The following GRIN1 variants were observed in gnomAD, a reference collection of about 807,000 sequenced individuals.
The protein encoded by GRIN1 is glutamate ionotropic receptor NMDA type subunit 1, also known as glutamate receptor ionotropic, NMDA 1.
Under a neutral mutation model 103.0 loss-of-function variants are expected in GRIN1, and 38 were observed. The observed-to-expected ratio is 0.37, with a 90% CI of 0.28 to 0.48. The LOEUF (loss-of-function observed/expected upper bound fraction) is 0.48. Among genes scored for constraint, GRIN1 ranks in the 20% least tolerant of loss-of-function variants. GRIN1 has a pLI of 0.98. For synonymous variants in GRIN1, 544 were observed against 532.7 expected (o/e 1.02, Z -0.29); for missense variants, 577 against 1,288.9 (o/e 0.45, Z 8.46).
chr9:137,152,578 C>A (rs1225874692), intron 4 of GRIN1, among the ~76,000 whole-genome samples: 1 of 152,176 alleles, frequency 6.6e-6, no homozygotes, highest in African/African-American at 2.4e-5. Context: ...GGGGCGTTTT[C>A]TCCACTTTTT....
chr9:137,154,321 C>T lies in GRIN1; in HGVS notation c.672-2348C>T, dbSNP rs1457120275. Reference sequence around the variant, plus strand: ...TGTATTTTTAGTAGAGACTGGGTTTCGCCATGTTGGCCAGGCTGGTCTCGA... The same window carrying T: ...TGTATTTTTAGTAGAGACTGGGTTTTGCCATGTTGGCCAGGCTGGTCTCGA... On this transcript the variant is annotated intron_variant, in intron 4 of 19. Transcript: ENST00000371561. Among the ~76,000 whole-genome samples, 5 of 150,164 alleles carry T rather than the reference C, an allele frequency of 3.3e-5. No individual in the cohort carries two copies. The East Asian group carries it at 8.0e-4, about 24-fold the overall frequency.
At chr9:137,153,473 G>C (rs1022733335) in intron 4 of GRIN1, among the ~76,000 whole-genome samples, 1 of 150,582 alleles carries the variant, frequency 6.6e-6, no homozygotes, top group Admixed American at 6.6e-5. Flanking sequence ...ACCCACACAT[G>C]CACCATCATG....
chr9:137,166,199 C>G (rs1833870346), intron 19 of GRIN1, among the ~76,000 whole-genome samples: 1 of 152,226 alleles, frequency 6.6e-6, no homozygotes, highest in Non-Finnish European at 1.5e-5. Flanking sequence ...CCCCACAAGG[C>G]CCACCCCAAA....
Position 137,139,662 on chromosome 9 carries a change from A to G in GRIN1, c.176A>G (p.Gln59Arg). 1 of 1,613,786 alleles carries G rather than the reference A, an allele frequency of 6.2e-7. No individual in the cohort carries two copies. The change falls in exon 1 of 20, where the codon CAG (glutamine) becomes CGG (arginine). Residue 59 changes from glutamine (Q) to arginine (R), a missense_variant. Transcript: ENST00000371561. This position sits in a 1 kb window ranked among gnomAD's most constrained non-coding sequence, Gnocchi z 7.7. The part of the protein sequence containing the change: ...ANKRHGSWKI[Q>R]LNATSVTHKP... ...AAGCGGCACGGCTCCTGGAAGATTC[A>G]GCTCAATGCCACCTCCGTCACGCAC...
chr9:137,145,706 C>G lies in GRIN1; in HGVS notation c.394-20C>G. The G allele has an allele frequency of 6.2e-7, 1 of 1,608,624 alleles. No homozygotes were observed. Among genetic ancestry groups the G allele is most frequent in the Non-Finnish European group, 8.5e-7 (1 of 1,176,894 alleles). ...TCCCCGCGGGTCCACCTCAGCCCGC[C>G]GTGCCCCCGCCTCCCGCAGAGCATC... On this transcript the variant is annotated intron_variant, in intron 2 of 19. Transcript: ENST00000371561.
chr9:137,159,654 T>C (rs2131284505), intron 8 of GRIN1, among the ~76,000 whole-genome samples: 1 of 152,380 alleles, frequency 6.6e-6, no homozygotes, highest in African/African-American at 2.4e-5. Flanking sequence ...GATGGCTTTT[T>C]ACAAATTTGT....
Position 137,161,124 on chromosome 9 carries a change from G to A in GRIN1, c.1266G>A (p.Glu422=), listed in dbSNP as rs894966087. 3 of 1,612,904 alleles carry A rather than the reference G, an allele frequency of 1.9e-6. No homozygotes were observed. The highest frequency in any genetic ancestry group is 2.2e-5 in the South Asian group (2 of 91,074). Residue 422 remains glutamate, a synonymous_variant, in exon 9 of 20, where the codon GAG becomes GAA. Coordinates refer to ENST00000371561, the MANE Select transcript of GRIN1 (RefSeq NM_007327.4). The stretch of plus-strand genomic sequence containing the variant: ...CGCTGAGTGATGGGACATGCAAGGA[G>A]GAGTTCACAGTCAACGGCGACCCAG... ...KPTLSDGTCK[E]EFTVNGDPVK...
chr9:137,146,811 G>A lies in GRIN1; in HGVS notation c.570+909G>A, dbSNP rs552409491. Among the ~76,000 whole-genome samples, 79 of 152,212 alleles carry A rather than the reference G, an allele frequency of 5.2e-4. No homozygotes were observed. Among genetic ancestry groups the A allele is most frequent in the Admixed American group, 1.8e-3 (28 of 15,302 alleles). On this transcript the variant is annotated intron_variant, in intron 3 of 19. Transcript: ENST00000371561. This position sits in a 1 kb window ranked among gnomAD's most constrained non-coding sequence, Gnocchi z 6.7. ...GTTTCGTGTCAGAGCTGGCTTCATC[G>A]GACTTAGGGCCAACCTAGCACCCCC...
At chr9:137,141,861 A>C in intron 1 of GRIN1, 152 bp from the exon 2 acceptor site, 1 of 841,022 alleles carries the variant, frequency 1.2e-6, no homozygotes, top group Non-Finnish European at 2.0e-6. Context: ...GCATGTGTGC[A>C]TCTGGGCCTG....
Position 137,146,039 on chromosome 9 carries a change from G to A in GRIN1, c.570+137G>A, listed in dbSNP as rs974865119. The A allele has an allele frequency of 1.8e-5, 12 of 656,296 alleles. No individual in the cohort carries two copies. Among genetic ancestry groups the A allele is most frequent in the Admixed American group, 5.0e-5 (2 of 39,750 alleles). 40.7% of individuals were successfully genotyped at this position (656,296 alleles called of 1,614,324 possible). A position where few individuals can be genotyped will look rare whatever the true frequency, so the allele number is the denominator to read the frequency against. On this transcript the variant is annotated intron_variant, in intron 3 of 19. Coordinates refer to ENST00000371561, the MANE Select transcript of GRIN1 (RefSeq NM_007327.4). The surrounding 1 kb of genome is among the most constrained non-coding windows in gnomAD (Gnocchi z 6.7). ...GCACCACCACGTCTGGCGAGCGCCC[G>A]CCCCAGCCTGTCCTCGGCTCATTTC... is the stretch of plus-strand genomic sequence containing the variant.
intron 18 of GRIN1, 198 bp downstream of exon 18, chr9:137,164,102 A>C: frequency 1.5e-6 from 1 of 685,794 alleles, no homozygotes; most frequent in Non-Finnish European, 2.6e-6. Flanking sequence ...GTGGCTGCCC[A>C]CTGCAAAGCC....
intron 8 of GRIN1, 59 bp downstream of exon 8, chr9:137,158,763 CT>C: frequency 1.6e-6 from 2 of 1,281,336 alleles, no homozygotes; most frequent in Non-Finnish European, 1.1e-6. Context: ...TCCACCCCCT[CT>C]GGCCTGAAGG....
intron 8 of GRIN1, among the ~76,000 whole-genome samples, chr9:137,160,491 G>A (rs966554934): frequency 3.9e-5 from 6 of 152,020 alleles, no homozygotes; most frequent in East Asian, 1.9e-4. Context: ...GTGCAGTGGC[G>A]CGGTCTCCGC....
rs1833685375 is a variant in GRIN1, at chr9:137,163,548, C to T, written c.2334-11C>T. 6.3e-7 allele frequency: 1 copy of T among 1,590,636 alleles called. No individual in the cohort carries two copies. The highest frequency in any genetic ancestry group is 1.3e-5 in the African/African-American group (1 of 74,476). On this transcript the variant is annotated splice_polypyrimidine_tract_variant and intron_variant, in intron 16 of 19. Coordinates refer to ENST00000371561, the MANE Select transcript of GRIN1 (RefSeq NM_007327.4). ...CCGCCTCACTGCAGGCTCACTTGTT[C>T]CCACCGCCAGGTCCCACGAGAATGG...
chr9:137,156,636 A>G, intron 4 of GRIN1, 33 bp from the exon 5 acceptor site: 1 of 1,593,818 alleles, frequency 6.3e-7, no homozygotes, highest in Non-Finnish European at 8.5e-7. Flanking sequence ...GGAGTGCTGG[A>G]GTCCTGGCCC....
At chr9:137,144,342 G>A (rs904586739) in intron 2 of GRIN1, among the ~76,000 whole-genome samples, 2 of 147,842 alleles carry the variant, frequency 1.4e-5, no homozygotes, top group Non-Finnish European at 2.9e-5. Context: ...AAAAAGGAGG[G>A]GTCCCAGTGT....
In GRIN1 at chr9:137,158,294, C is replaced by T; in HGVS notation, c.969-85C>T. On this transcript the variant is annotated intron_variant, in intron 6 of 19. Coordinates refer to ENST00000371561, the MANE Select transcript of GRIN1 (RefSeq NM_007327.4). ...AGGGAGAAGGAGCAGGGGGAAGGAG[C>T]AGGGAGAAGCAGCAGGGGGAAGGAG... 3.5e-6 allele frequency: 5 copies of T among 1,436,740 alleles called. No homozygotes were observed. In the South Asian group the frequency reaches 4.6e-5, roughly 13 times the overall value. The allele number at this position is 1,436,740 out of a possible 1,614,324, so 89.0% of individuals were successfully genotyped here. A position where few individuals can be genotyped will look rare whatever the true frequency, so the allele number is the denominator to read the frequency against.
chr9:137,144,712 T>C (rs28677948), intron 2 of GRIN1, among the ~76,000 whole-genome samples: 1,921 of 84,272 alleles, frequency 0.023, 65 homozygotes, highest in East Asian at 0.084. Context: ...TCCCAGGGTC[T>C]AGAAAGTGTC....
At chr9:137,151,311 A>G (rs1832893633) in intron 4 of GRIN1, among the ~76,000 whole-genome samples, 1 of 139,526 alleles carries the variant, frequency 7.2e-6, no homozygotes, top group African/African-American at 2.7e-5. Context: ...CTCTGGCCAG[A>G]TAAAAGCTCC....
Sources: allele counts gnomAD v4.1 joint callset (sites outside exome capture counted in the v4.1 genomes callset), GRCh38; gene constraint gnomAD v4.1.1; non-coding constraint Gnocchi (gnomAD v3.1); transcripts MANE v1.5; gene names NCBI Gene and HGNC (gene_info 2026-07-23, HGNC 2026-07-21).